The following SLC7A2 variants were observed in gnomAD, a reference collection of about 807,000 sequenced individuals.
SLC7A2 encodes cationic amino acid transporter 2.
Under a neutral mutation model 58.9 loss-of-function variants are expected in SLC7A2, and 48 were observed. The observed-to-expected ratio is 0.82, with a 90% CI of 0.65 to 1.04. The LOEUF (loss-of-function observed/expected upper bound fraction) is 1.04, where lower values mean the gene tolerates loss of function less well. Among genes scored for constraint, SLC7A2 ranks in the 50% least tolerant of loss-of-function variants. The pLI is 0.00. For missense variants in SLC7A2, 1,029 were observed against 818.8 expected (o/e 1.26, Z -3.13); for synonymous variants, 363 against 314.5 (o/e 1.15, Z -1.63).
At chr8:17,539,850 G>T (rs1350453860) in intron 2 of SLC7A2, among the ~76,000 whole-genome samples, 1 of 152,160 alleles carries the variant, frequency 6.6e-6, no homozygotes, top group East Asian at 1.9e-4. Flanking sequence ...CGTATTTGTT[G>T]TATAAGTAGG....
intron 2 of SLC7A2, among the ~76,000 whole-genome samples, chr8:17,529,532 G>GTT (rs58195705): frequency 1.4e-5 from 2 of 139,456 alleles, no homozygotes; most frequent in Non-Finnish European, 1.6e-5. Flanking sequence ...TTGTTTTTTT[G>GTT]TTTTTTTTTT....
chr8:17,556,238 A>AT (rs1002718683), intron 8 of SLC7A2, among the ~76,000 whole-genome samples: 7 of 152,096 alleles, frequency 4.6e-5, no homozygotes, highest in African/African-American at 1.4e-4. Flanking sequence ...GTTTATAAAT[A>AT]TTTTTTGACA....
At chr8:17,552,807 G>A (rs17124818) in intron 7 of SLC7A2, among the ~76,000 whole-genome samples, 3,605 of 152,162 alleles carry the variant, frequency 0.024, 146 homozygotes, top group African/African-American at 0.083. Flanking sequence ...CAGATATTTC[G>A]TTCTAGTTTT....
chr8:17,562,645 G>A (rs993387493), intron 11 of SLC7A2, among the ~76,000 whole-genome samples: 1 of 152,132 alleles, frequency 6.6e-6, no homozygotes, highest in Non-Finnish European at 1.5e-5. Context: ...CCTTCGATAT[G>A]TTCCTTTTTG....
upstream of SLC7A2, among the ~76,000 whole-genome samples, chr8:17,496,883 C>G (rs970476355): frequency 1.3e-5 from 2 of 151,864 alleles, no homozygotes; most frequent in African/African-American, 2.4e-5. Context: ...GGCTAGCGCC[C>G]GCCCACGTGT....
intron 8 of SLC7A2, among the ~76,000 whole-genome samples, chr8:17,555,881 G>T (rs1351462311): frequency 7.2e-5 from 11 of 152,100 alleles, no homozygotes; most frequent in Admixed American, 7.2e-4. Context: ...GGAAGCAAAA[G>T]AAAGACTTTT....
chr8:17,514,476 C>G (rs888652636), intron 2 of SLC7A2, among the ~76,000 whole-genome samples: 1 of 152,094 alleles, frequency 6.6e-6, no homozygotes, highest in Non-Finnish European at 1.5e-5. Context: ...AAAAATATAT[C>G]TAGAAAGAAA....
chr8:17,565,368 C>T lies in SLC7A2; in HGVS notation c.*222C>T. 1 of 530,712 alleles carries T rather than the reference C, an allele frequency of 1.9e-6. No individual in the cohort carries two copies. Among genetic ancestry groups the T allele is most frequent in the Non-Finnish European group, 3.3e-6 (1 of 299,016 alleles). 32.9% of individuals were successfully genotyped at this position (530,712 alleles called of 1,614,324 possible). The stretch of plus-strand genomic sequence containing the variant: ...TTTCATTCATCAGTGATGAATAGCC[C>T]CCAAACAGTGGGAGTGTGTATGTAT... On this transcript the variant is annotated 3_prime_UTR_variant, in exon 13 of 13. Transcript: ENST00000494857.
intron 8 of SLC7A2, among the ~76,000 whole-genome samples, 186 bp from the exon 9 acceptor site, chr8:17,558,109 A>G (rs992107683): frequency 1.3e-5 from 2 of 152,146 alleles, no homozygotes; most frequent in African/African-American, 2.4e-5. Flanking sequence ...TTGAAGTCCT[A>G]TCAGCAGTTT....
intron 4 of SLC7A2, among the ~76,000 whole-genome samples, 163 bp downstream of exon 4, chr8:17,544,769 C>T (rs75220085): frequency 0.11 from 16,448 of 152,176 alleles, 1,098 homozygotes; most frequent in East Asian, 0.32. Context: ...TGGCTGGAAT[C>T]ACATTTTAAC....
chr8:17,547,367 G>A (rs1189079107), intron 4 of SLC7A2, among the ~76,000 whole-genome samples: 1 of 152,098 alleles, frequency 6.6e-6, no homozygotes. Flanking sequence ...CCATGATTCA[G>A]TTACCTCCCA....
chr8:17,534,214 A>G (rs545534887), intron 2 of SLC7A2, among the ~76,000 whole-genome samples: 1 of 152,292 alleles, frequency 6.6e-6, no homozygotes, highest in Admixed American at 6.5e-5. Context: ...GGTTTCATCC[A>G]GGTCTTTGGG....
chr8:17,494,585 G>T (rs1799914662), upstream of SLC7A2, among the ~76,000 whole-genome samples: 1 of 152,148 alleles, frequency 6.6e-6, no homozygotes, highest in Non-Finnish European at 1.5e-5. Context: ...GAAGTCAAAA[G>T]AGCTTAACCT....
chr8:17,532,752 T>A (rs1801510916), intron 2 of SLC7A2, among the ~76,000 whole-genome samples: 1 of 152,126 alleles, frequency 6.6e-6, no homozygotes, highest in South Asian at 2.1e-4. Flanking sequence ...AAAAGTAGGT[T>A]TTACAAAGAA....
At chr8:17,515,281 T>G (rs1800759616) in intron 2 of SLC7A2, among the ~76,000 whole-genome samples, 1 of 151,958 alleles carries the variant, frequency 6.6e-6, no homozygotes, top group South Asian at 2.1e-4. Flanking sequence ...TGATTGCCTT[T>G]GATTGCCACA....
chr8:17,522,921 G>C (rs1425453740), intron 2 of SLC7A2, among the ~76,000 whole-genome samples: 1 of 152,008 alleles, frequency 6.6e-6, no homozygotes, highest in Non-Finnish European at 1.5e-5. Flanking sequence ...CCGTATCCCA[G>C]CTACTTGGGA....
chr8:17,494,166 T>G (rs1585164894), upstream of SLC7A2, among the ~76,000 whole-genome samples: 1 of 152,178 alleles, frequency 6.6e-6, no homozygotes, highest in East Asian at 1.9e-4. Context: ...AAATTAGAAC[T>G]AGTAAGAATC....
chr8:17,549,777 A>G (rs1802358991), intron 5 of SLC7A2, among the ~76,000 whole-genome samples: 1 of 152,228 alleles, frequency 6.6e-6, no homozygotes. Context: ...TTGGTATCCT[A>G]TAAACTTACA....
intron 9 of SLC7A2, among the ~76,000 whole-genome samples, chr8:17,558,950 A>G (rs1286424644): frequency 6.6e-6 from 1 of 152,146 alleles, no homozygotes; most frequent in Non-Finnish European, 1.5e-5. Context: ...TAAATAATAA[A>G]TTTTCATGAA....
Sources: allele counts gnomAD v4.1 joint callset (sites outside exome capture counted in the v4.1 genomes callset), GRCh38; gene constraint gnomAD v4.1.1; transcripts MANE v1.5; gene names NCBI Gene and HGNC (gene_info 2026-07-23, HGNC 2026-07-21).